SLC44A1: variants seen among roughly 807,000 people sequenced by gnomAD.
The protein encoded by SLC44A1 is choline transporter-like protein 1.
In SLC44A1, 26 loss-of-function variants were observed where a neutral mutation model predicts 79.3. That is an observed-to-expected ratio of 0.33 (90% CI 0.24 to 0.46). The LOEUF is 0.46. Among genes scored for constraint, SLC44A1 ranks in the 20% least tolerant of loss-of-function variants. The pLI, the probability that SLC44A1 is intolerant of heterozygous loss-of-function variation, is 1.00. For missense variants in SLC44A1, 688 were observed against 798.1 expected (o/e 0.86, Z 1.66); for synonymous variants, 263 against 286.2 (o/e 0.92, Z 0.82).
At chr9:105,255,051 G>A (rs973497612) in intron 1 of SLC44A1, among the ~76,000 whole-genome samples, 6 of 150,394 alleles carry the variant, frequency 4.0e-5, no homozygotes, top group African/African-American at 1.5e-4. Context: ...GGGAAAAAAA[G>A]AGAGCCTCTG....
intron 3 of SLC44A1, among the ~76,000 whole-genome samples, chr9:105,326,560 A>G (rs774772879): frequency 9.2e-5 from 14 of 152,132 alleles, no homozygotes; most frequent in Non-Finnish European, 1.6e-4. Context: ...TTGCTTTGCA[A>G]TGTTAGTATC....
chr9:105,419,413 C>T (rs762709254), intron 15 of SLC44A1, among the ~76,000 whole-genome samples: 17 of 152,158 alleles, frequency 1.1e-4, no homozygotes, highest in Non-Finnish European at 1.9e-4. Flanking sequence ...TCTTTCAAGA[C>T]ATACACAAGA....
intron 15 of SLC44A1, among the ~76,000 whole-genome samples, chr9:105,422,454 A>T (rs979549312): frequency 4.0e-5 from 6 of 151,680 alleles, no homozygotes; most frequent in African/African-American, 1.2e-4. Context: ...ACACCTAGCT[A>T]ATTTTTGTAT....
At chr9:105,286,503 G>C (rs556691621) in intron 1 of SLC44A1, among the ~76,000 whole-genome samples, 1 of 152,172 alleles carries the variant, frequency 6.6e-6, no homozygotes, top group Non-Finnish European at 1.5e-5. Flanking sequence ...TCTTTGTATG[G>C]TATTATGATT....
chr9:105,317,082 T>C (rs141489800), intron 3 of SLC44A1, among the ~76,000 whole-genome samples: 11 of 152,296 alleles, frequency 7.2e-5, no homozygotes, highest in African/African-American at 2.6e-4. Flanking sequence ...CAGTTTCACA[T>C]GGCTGTAGGA....
At chr9:105,377,661 G>A (rs753968943) in intron 13 of SLC44A1, among the ~76,000 whole-genome samples, 1 of 151,678 alleles carries the variant, frequency 6.6e-6, no homozygotes, top group Admixed American at 6.6e-5. Flanking sequence ...TACTTGGGAG[G>A]CTGAGGCGGA....
downstream of SLC44A1, among the ~76,000 whole-genome samples, chr9:105,400,051 C>T (rs145098495): frequency 6.6e-4 from 101 of 152,156 alleles, 1 homozygote; most frequent in Middle Eastern, 0.014. Flanking sequence ...CAGAATTATC[C>T]GGGCACGGTG....
intron 12 of SLC44A1, among the ~76,000 whole-genome samples, chr9:105,371,396 A>G (rs1178704473): frequency 3.9e-5 from 6 of 152,236 alleles, no homozygotes; most frequent in Non-Finnish European, 7.3e-5. Context: ...TATGTAAACA[A>G]TGAGCACAGT....
intron 15 of SLC44A1, among the ~76,000 whole-genome samples, chr9:105,432,685 C>G (rs1301125329): frequency 3.3e-5 from 5 of 152,192 alleles, no homozygotes; most frequent in Admixed American, 2.6e-4. Context: ...ATCTTGATGA[C>G]AGCTGGCACA....
intron 6 of SLC44A1, among the ~76,000 whole-genome samples, chr9:105,356,943 C>G (rs543997665): frequency 2.9e-4 from 44 of 152,208 alleles, no homozygotes; most frequent in Non-Finnish European, 3.8e-4. Context: ...AAGATTAAAA[C>G]TCCCTATATT....
chr9:105,433,468 C>T (rs1056256486), intron 15 of SLC44A1, among the ~76,000 whole-genome samples: 1 of 152,106 alleles, frequency 6.6e-6, no homozygotes, highest in African/African-American at 2.4e-5. Flanking sequence ...TACAGTCAGG[C>T]AACTGCCTTT....
chr9:105,274,351 G>T (rs1830151816), intron 1 of SLC44A1, among the ~76,000 whole-genome samples: 1 of 152,194 alleles, frequency 6.6e-6, no homozygotes, highest in Non-Finnish European at 1.5e-5. Flanking sequence ...ACTCGTGGAG[G>T]TGTATTGGCC....
Position 105,389,275 on chromosome 9 carries a change from A to T in SLC44A1, c.*219A>T. ...TTTTTGTCAAACATGTACTCCTTTC[A>T]TACGGGTGGCTTTTACAAGGCAACT... On this transcript the variant is annotated 3_prime_UTR_variant, in exon 16 of 16. Transcript: ENST00000374720. 8.2e-7 allele frequency: 1 copy of T among 1,218,958 alleles called. No individual in the cohort carries two copies. The highest frequency in any genetic ancestry group is 1.0e-6 in the Non-Finnish European group (1 of 977,424). 75.5% of individuals were successfully genotyped at this position (1,218,958 alleles called of 1,614,324 possible). A position where few individuals can be genotyped will look rare whatever the true frequency, so the allele number is the denominator to read the frequency against.
intron 2 of SLC44A1, among the ~76,000 whole-genome samples, chr9:105,307,596 A>T (rs1413836369): frequency 1.3e-5 from 2 of 151,604 alleles, no homozygotes; most frequent in Non-Finnish European, 2.9e-5. Context: ...GTGAGCCGAG[A>T]TCGTGCCACT....
chr9:105,309,716 T>C lies in SLC44A1; in HGVS notation c.127-8T>C. The C allele has an allele frequency of 1.2e-6, 2 of 1,613,470 alleles. No homozygotes were observed. The highest frequency in any genetic ancestry group is 1.7e-6 in the Non-Finnish European group (2 of 1,179,502). On this transcript the variant is annotated splice_polypyrimidine_tract_variant and splice_region_variant and intron_variant, in intron 2 of 15. Coordinates refer to ENST00000374720, the MANE Select transcript of SLC44A1 (RefSeq NM_080546.5). ...TTATTTGTATGTTTTTTTCTGTTTC[T>C]TTCCTAGGGATTTATTTGTGGCTTT...
chr9:105,386,548 C>A, intron 15 of SLC44A1: 1 of 401,606 alleles, frequency 2.5e-6, no homozygotes, highest in Non-Finnish European at 3.4e-6. Context: ...AACACAAATT[C>A]GTAAACTTTA....
At chr9:105,410,649 T>C (rs1588874547) in intron 15 of SLC44A1, among the ~76,000 whole-genome samples, 1 of 152,230 alleles carries the variant, frequency 6.6e-6, no homozygotes, top group African/African-American at 2.4e-5. Context: ...TGGCAGTTTC[T>C]CGATAAGTTA....
chr9:105,416,053 C>G (rs1341006413), intron 15 of SLC44A1, among the ~76,000 whole-genome samples: 1 of 151,878 alleles, frequency 6.6e-6, no homozygotes, highest in Non-Finnish European at 1.5e-5. Flanking sequence ...AGGTGCCCAC[C>G]ACCATGCCCA....
chr9:105,401,607 G>A (rs1191919548), downstream of SLC44A1, among the ~76,000 whole-genome samples: 1 of 152,090 alleles, frequency 6.6e-6, no homozygotes, highest in Non-Finnish European at 1.5e-5. Flanking sequence ...AGAAAGATTA[G>A]AAGAAATAAT....
Sources: allele counts gnomAD v4.1 joint callset (sites outside exome capture counted in the v4.1 genomes callset), GRCh38; gene constraint gnomAD v4.1.1; transcripts MANE v1.5; gene names NCBI Gene and HGNC (gene_info 2026-07-23, HGNC 2026-07-21).